NEGR1: variants seen among roughly 807,000 people sequenced by gnomAD.
NEGR1 encodes the protein neuronal growth regulator 1.
Under a neutral mutation model 40.9 loss-of-function variants are expected in NEGR1, and 10 were observed. The observed-to-expected ratio is 0.24, with a 90% confidence interval of 0.15 to 0.42. NEGR1 has a LOEUF of 0.42. Ranked by LOEUF, NEGR1 falls within the 10% of genes least tolerant of loss-of-function variation. The pLI is 1.00. For missense variants in NEGR1, 352 were observed against 438.9 expected (o/e 0.80, Z 1.77); for synonymous variants, 185 against 166.8 (o/e 1.11, Z -0.84).
intron 1 of NEGR1, among the ~76,000 whole-genome samples, chr1:71,957,714 T>G (rs2100288887): frequency 6.6e-6 from 1 of 152,316 alleles, no homozygotes; most frequent in African/African-American, 2.4e-5. Context: ...TACCCACTTT[T>G]ATCAGATTGT....
chr1:71,796,759 GGTATAGAT>G (rs1657343716), intron 2 of NEGR1, among the ~76,000 whole-genome samples: 1 of 152,128 alleles, frequency 6.6e-6, no homozygotes, highest in South Asian at 2.1e-4. Flanking sequence ...GAGAGCCAGG[GGTATAGAT>G]GTACAAAAAG....
intron 6 of NEGR1, among the ~76,000 whole-genome samples, chr1:71,410,552 G>A (rs1294781090): frequency 1.3e-5 from 2 of 152,094 alleles, no homozygotes; most frequent in East Asian, 1.9e-4. Context: ...ATTCCCTATG[G>A]CAGATAAGTA....
At chr1:71,717,886 G>A (rs1199670558) in intron 3 of NEGR1, among the ~76,000 whole-genome samples, 5 of 152,166 alleles carry the variant, frequency 3.3e-5, no homozygotes, top group Admixed American at 3.3e-4. Context: ...CACACTGGAA[G>A]CAAACAGCTA....
intron 1 of NEGR1, among the ~76,000 whole-genome samples, chr1:72,068,136 G>T (rs12132077): frequency 0.029 from 4,420 of 152,248 alleles, 96 homozygotes; most frequent in Middle Eastern, 0.051. Context: ...ATGTTGAGTT[G>T]TTATTCAGTT....
At chr1:71,417,435 C>T (rs1323563458) in intron 6 of NEGR1, among the ~76,000 whole-genome samples, 1 of 152,074 alleles carries the variant, frequency 6.6e-6, no homozygotes, top group Non-Finnish European at 1.5e-5. Context: ...TATTGACTAC[C>T]ACTGTAAAGT....
chr1:71,731,917 T>C (rs368012883), intron 3 of NEGR1, among the ~76,000 whole-genome samples: 9 of 152,316 alleles, frequency 5.9e-5, no homozygotes, highest in Admixed American at 5.2e-4. Flanking sequence ...TTTAGCATGG[T>C]CACTTATTAG....
chr1:71,447,211 C>CTCTAATGCCTCTGAACAACCTTCGCCA (rs1646588389), intron 6 of NEGR1, among the ~76,000 whole-genome samples: 1 of 152,110 alleles, frequency 6.6e-6, no homozygotes, highest in African/African-American at 2.4e-5. Context: ...CGTCATGAGC[C>CTCTAATGCCTCTGAACAACCTTCGCCA]TCTAATGCCT....
At chr1:72,080,277 A>G (rs148159222) in intron 1 of NEGR1, among the ~76,000 whole-genome samples, 15 of 152,138 alleles carry the variant, frequency 9.9e-5, no homozygotes, top group African/African-American at 3.6e-4. Context: ...ATAGGCTTAT[A>G]GTATTTTGAA....
At chr1:72,127,471 A>C (rs1043975038) in intron 1 of NEGR1, among the ~76,000 whole-genome samples, 2 of 144,986 alleles carry the variant, frequency 1.4e-5, no homozygotes, top group Non-Finnish European at 3.0e-5. Context: ...CTCAAAAAAA[A>C]AAAAAAAAAA....
chr1:72,203,414 G>C (rs1008648782), intron 1 of NEGR1, among the ~76,000 whole-genome samples: 1 of 152,078 alleles, frequency 6.6e-6, no homozygotes, highest in Non-Finnish European at 1.5e-5. Flanking sequence ...AGAAATAGAA[G>C]TGGAGGCTGA....
intron 1 of NEGR1, among the ~76,000 whole-genome samples, chr1:72,193,843 C>T (rs1179570757): frequency 3.3e-5 from 5 of 151,432 alleles, no homozygotes; most frequent in Non-Finnish European, 1.5e-5. Context: ...TGAAAGCCTG[C>T]CTCCCATACA....
intron 3 of NEGR1, among the ~76,000 whole-genome samples, chr1:71,744,586 T>C (rs968170388): frequency 2.0e-5 from 3 of 151,928 alleles, no homozygotes; most frequent in Non-Finnish European, 4.4e-5. Flanking sequence ...TTCTAGTTAG[T>C]AAAGAAAGTC....
At chr1:72,017,185 T>A (rs1051516008) in intron 1 of NEGR1, among the ~76,000 whole-genome samples, 5 of 151,642 alleles carry the variant, frequency 3.3e-5, no homozygotes, top group African/African-American at 1.2e-4. Context: ...AAGGAATATA[T>A]AACATGAGTA....
At chr1:71,596,479 C>T (rs1388277887) in intron 5 of NEGR1, among the ~76,000 whole-genome samples, 1 of 152,160 alleles carries the variant, frequency 6.6e-6, no homozygotes, top group Non-Finnish European at 1.5e-5. Context: ...CTGATAACTA[C>T]AGATACTTAT....
intron 2 of NEGR1, among the ~76,000 whole-genome samples, chr1:71,899,838 T>C (rs1309059889): frequency 1.3e-5 from 2 of 152,190 alleles, no homozygotes; most frequent in Non-Finnish European, 2.9e-5. Flanking sequence ...AACCATTGTT[T>C]TCTTCACCAA....
intron 1 of NEGR1, among the ~76,000 whole-genome samples, chr1:72,046,616 T>C (rs1227820216): frequency 4.0e-5 from 6 of 151,624 alleles, no homozygotes; most frequent in Non-Finnish European, 8.9e-5. Flanking sequence ...AAATCTTTAG[T>C]TATTTTGACC....
chr1:71,587,374 G>A (rs1374355158), intron 6 of NEGR1, among the ~76,000 whole-genome samples: 2 of 151,990 alleles, frequency 1.3e-5, no homozygotes, highest in Admixed American at 6.6e-5. Context: ...TTTCCTTTTG[G>A]ATACTAGCTA....
chr1:71,726,384 C>A (rs1340697547), intron 3 of NEGR1, among the ~76,000 whole-genome samples: 1 of 152,058 alleles, frequency 6.6e-6, no homozygotes, highest in Non-Finnish European at 1.5e-5. Context: ...AAGCATGATT[C>A]TTTGCTTTCG....
chr1:71,641,112 CTG>C (rs538415569), intron 4 of NEGR1, among the ~76,000 whole-genome samples: 110 of 152,188 alleles, frequency 7.2e-4, no homozygotes, highest in African/African-American at 2.5e-3. Flanking sequence ...CTCATTACGA[CTG>C]TATAATAAAT....
Sources: allele counts gnomAD v4.1 joint callset (sites outside exome capture counted in the v4.1 genomes callset), GRCh38; gene constraint gnomAD v4.1.1; transcripts MANE v1.5; gene names NCBI Gene and HGNC (gene_info 2026-07-23, HGNC 2026-07-21).